Variants in GNAO1 observed in about 807,000 individuals in gnomAD.
The protein encoded by GNAO1 is G protein subunit alpha o1, also known as guanine nucleotide-binding protein G(o) subunit alpha.
For missense variants in GNAO1, 166 were observed against 478.7 expected, an observed-to-expected ratio of 0.35 and a Z score of 6.10; for synonymous variants, 164 against 180.7, an observed-to-expected ratio of 0.91 and a Z score of 0.74.
chr16:56,273,803 GC>G (rs2037038355), intron 2 of GNAO1, among the ~76,000 whole-genome samples: 1 of 152,192 alleles, frequency 6.6e-6, no homozygotes. Flanking sequence ...TCTGCTGAGT[GC>G]CCCAGGCGTT....
chr16:56,319,946 C>T (rs2037555024), intron 3 of GNAO1, among the ~76,000 whole-genome samples: 1 of 152,164 alleles, frequency 6.6e-6, no homozygotes, highest in African/African-American at 2.4e-5. Flanking sequence ...CCAAAAGTGC[C>T]TCATCTCCAC....
intron 2 of GNAO1, among the ~76,000 whole-genome samples, chr16:56,220,227 C>T (rs918979461): frequency 3.3e-5 from 5 of 152,126 alleles, no homozygotes; most frequent in Non-Finnish European, 7.4e-5. Flanking sequence ...GCCATCATAC[C>T]TACCTGCTTA....
chr16:56,319,268 C>A (rs1465933065), intron 3 of GNAO1, among the ~76,000 whole-genome samples: 2 of 152,184 alleles, frequency 1.3e-5, no homozygotes, highest in African/African-American at 4.8e-5. Context: ...AGAATGAGGT[C>A]TTCTATCCTT....
At chr16:56,345,895 A>G (rs1193350547) in intron 6 of GNAO1, 1 of 985,394 alleles carries the variant, frequency 1.0e-6, no homozygotes, top group African/African-American at 1.7e-5. Context: ...CTCTAAGGCC[A>G]TCACCCTGGA....
At chr16:56,256,702 C>G (rs55700776) in intron 2 of GNAO1, among the ~76,000 whole-genome samples, 47 of 116,852 alleles carry the variant, frequency 4.0e-4, no homozygotes, top group African/African-American at 1.4e-3. Context: ...CTCTCTCTCT[C>G]TCTCTCTCTC....
At chr16:56,305,018 C>G (rs1338114561) in intron 3 of GNAO1, among the ~76,000 whole-genome samples, 2 of 152,248 alleles carry the variant, frequency 1.3e-5, no homozygotes, top group African/African-American at 4.8e-5. Context: ...TGCAGCTACC[C>G]TCATGGCTGG....
chr16:56,297,615 T>A (rs1221669111), intron 3 of GNAO1, among the ~76,000 whole-genome samples: 2 of 151,764 alleles, frequency 1.3e-5, no homozygotes, highest in Admixed American at 1.3e-4. Flanking sequence ...TAAGTTTGAA[T>A]TTCAGTTCTT....
intron 6 of GNAO1, among the ~76,000 whole-genome samples, chr16:56,337,720 G>C (rs1261340136): frequency 2.0e-5 from 3 of 152,354 alleles, no homozygotes; most frequent in Admixed American, 1.3e-4. Context: ...AGCTGTTTCT[G>C]GGACAGCAGC....
At chr16:56,283,946 A>C (rs1311894944) in intron 3 of GNAO1, among the ~76,000 whole-genome samples, 1 of 152,118 alleles carries the variant, frequency 6.6e-6, no homozygotes, top group African/African-American at 2.4e-5. Context: ...CTGGAAAGAG[A>C]CTTACCCAGG....
intron 6 of GNAO1, chr16:56,340,693 C>T (rs1210875269): frequency 1.6e-5 from 12 of 730,254 alleles, no homozygotes; most frequent in Non-Finnish European, 2.4e-5. Context: ...CTCCCGTCTC[C>T]GTCCTGGTGG....
chr16:56,265,743 G>C (rs1246093537), intron 2 of GNAO1, among the ~76,000 whole-genome samples: 8 of 152,176 alleles, frequency 5.3e-5, no homozygotes, highest in African/African-American at 1.7e-4. Flanking sequence ...AATTAGAGCA[G>C]AACCACTGGT....
At chr16:56,298,286 C>A (rs1182422504) in intron 3 of GNAO1, among the ~76,000 whole-genome samples, 1 of 152,144 alleles carries the variant, frequency 6.6e-6, no homozygotes, top group African/African-American at 2.4e-5. Flanking sequence ...TGGCTGGGTC[C>A]CAGGCTTTGG....
intron 2 of GNAO1, among the ~76,000 whole-genome samples, chr16:56,233,519 G>A (rs577184982): frequency 1.3e-5 from 2 of 152,316 alleles, no homozygotes; most frequent in East Asian, 3.9e-4. Flanking sequence ...TGAATGAGAA[G>A]CCAGCACCCA....
chr16:56,336,913 G>A, intron 6 of GNAO1, 53 bp downstream of exon 6: 1 of 1,549,306 alleles, frequency 6.5e-7, no homozygotes, highest in South Asian at 1.2e-5. Flanking sequence ...GACGGCCGCA[G>A]GATAGGCCAG....
At chr16:56,266,531 A>G (rs2036955955) in intron 2 of GNAO1, among the ~76,000 whole-genome samples, 1 of 152,204 alleles carries the variant, frequency 6.6e-6, no homozygotes, top group African/African-American at 2.4e-5. Context: ...CCCCAGCACC[A>G]CATTCAGTTG....
intron 3 of GNAO1, among the ~76,000 whole-genome samples, chr16:56,321,404 CAG>C (rs1191936446): frequency 2.6e-5 from 4 of 152,168 alleles, no homozygotes; most frequent in African/African-American, 9.7e-5. Context: ...GCTGCACACT[CAG>C]AGGGGGCCTC....
At chr16:56,306,293 C>T (rs1459758455) in intron 3 of GNAO1, among the ~76,000 whole-genome samples, 1 of 152,154 alleles carries the variant, frequency 6.6e-6, no homozygotes, top group Non-Finnish European at 1.5e-5. Context: ...CTTCAGCGGC[C>T]CACACTCTGG....
intron 2 of GNAO1, among the ~76,000 whole-genome samples, chr16:56,236,918 T>G (rs1596813965): frequency 6.6e-6 from 1 of 152,240 alleles, no homozygotes; most frequent in African/African-American, 2.4e-5. Context: ...TGCATTTGGA[T>G]ATCTGTGTCT....
chr16:56,323,609 T>A (rs1378613830), intron 3 of GNAO1, among the ~76,000 whole-genome samples: 1 of 152,026 alleles, frequency 6.6e-6, no homozygotes, highest in African/African-American at 2.4e-5. Flanking sequence ...TCACTTCAGC[T>A]TACCTTTCTT....
Sources: gnomAD v4.1 joint callset for allele counts (sites outside exome capture counted in the v4.1 genomes callset) on GRCh38, gnomAD v4.1.1 for gene constraint, MANE v1.5 for transcripts, NCBI Gene and HGNC (gene_info 2026-07-23, HGNC 2026-07-21) for gene names.